KIF1B: variants seen among roughly 807,000 people sequenced by gnomAD.
The protein encoded by KIF1B is kinesin-like protein KIF1B.
A neutral mutation model predicts 241.9 loss-of-function variants in KIF1B; 76 were observed. The observed-to-expected ratio is 0.31, with a 90% CI of 0.26 to 0.38. The LOEUF (loss-of-function observed/expected upper bound fraction) is 0.38. Ranked by LOEUF, KIF1B falls within the 10% of genes least tolerant of loss-of-function variation. The pLI, the probability that KIF1B is intolerant of heterozygous loss-of-function variation, is 1.00. For missense variants in KIF1B, 1,622 were observed against 2,271.4 expected (o/e 0.71, Z 5.81); for synonymous variants, 750 against 796.7 (o/e 0.94, Z 0.99).
intron 2 of KIF1B, among the ~76,000 whole-genome samples, chr1:10,249,070 A>G (rs1647302701): frequency 1.3e-5 from 2 of 152,350 alleles, no homozygotes; most frequent in South Asian, 4.1e-4. Flanking sequence ...TCTTTGCAGG[A>G]AAAGTGGCGA....
intron 22 of KIF1B, chr1:10,305,884 A>G: frequency 1.9e-6 from 2 of 1,052,952 alleles, no homozygotes; most frequent in Non-Finnish European, 2.3e-6. Context: ...GAAGAGCCAG[A>G]GATGTCCGAA....
chr1:10,237,381 T>C (rs1647070457), intron 2 of KIF1B, among the ~76,000 whole-genome samples: 1 of 152,216 alleles, frequency 6.6e-6, no homozygotes, highest in Non-Finnish European at 1.5e-5. Flanking sequence ...ATAAATGCAC[T>C]CAAAAACAGG....
intron 2 of KIF1B, among the ~76,000 whole-genome samples, chr1:10,241,867 C>T (rs747136098): frequency 1.3e-5 from 2 of 151,918 alleles, no homozygotes; most frequent in East Asian, 3.9e-4. Flanking sequence ...TAGTGAAGTG[C>T]GAAGTGGTGT....
At chr1:10,356,325 A>G (rs992342792) in intron 38 of KIF1B, among the ~76,000 whole-genome samples, 10 of 152,120 alleles carry the variant, frequency 6.6e-5, no homozygotes, top group African/African-American at 2.4e-4. Flanking sequence ...AGATCGCGCC[A>G]CTGCATTCCA....
At chr1:10,300,987 A>G (rs1387863592) in intron 22 of KIF1B, among the ~76,000 whole-genome samples, 1 of 152,180 alleles carries the variant, frequency 6.6e-6, no homozygotes, top group Non-Finnish European at 1.5e-5. Context: ...CCAAATTATT[A>G]TTATTATTGT....
chr1:10,327,369 C>T (rs1276653325), intron 27 of KIF1B, among the ~76,000 whole-genome samples: 1 of 151,904 alleles, frequency 6.6e-6, no homozygotes, highest in African/African-American at 2.4e-5. Flanking sequence ...GGCATGGTGG[C>T]GGGTGCCTGT....
At position 10,358,673 on chromosome 1, in the gene KIF1B, G is replaced by C. The variant is rs2102341791; in HGVS notation, c.4056-2256G>C. Among the ~76,000 whole-genome samples the C allele has an allele frequency of 2.3e-5, 3 of 130,114 alleles. No homozygotes were observed. The East Asian group carries it at 6.5e-4, about 28-fold the overall frequency. The allele number at this position is 130,114 out of a possible 152,430, so 85.4% of individuals were successfully genotyped here. On this transcript the variant is annotated intron_variant, in intron 38 of 48. Transcript: ENST00000676179. ...ACTCCAGCCTGGGTGACAAAAGCAA[G>C]ACTCTGTCTCAAAAAAAAAAAAAAA...
chr1:10,340,545 G>A (rs560145709), intron 32 of KIF1B, among the ~76,000 whole-genome samples: 1 of 152,298 alleles, frequency 6.6e-6, no homozygotes, highest in Non-Finnish European at 1.5e-5. Flanking sequence ...GAAGCATAGA[G>A]CAATTAAAGT....
chr1:10,241,130 T>A (rs1028296445), intron 2 of KIF1B, among the ~76,000 whole-genome samples: 9 of 152,114 alleles, frequency 5.9e-5, no homozygotes, highest in Non-Finnish European at 1.2e-4. Flanking sequence ...TGTGTGTGTG[T>A]GAGACGAGGT....
chr1:10,368,694 A>G (rs565912629), intron 44 of KIF1B, among the ~76,000 whole-genome samples, 156 bp downstream of exon 44: 4 of 152,292 alleles, frequency 2.6e-5, no homozygotes, highest in Admixed American at 6.5e-5. Context: ...TCTGGTATTC[A>G]TTCTAATTTT....
At chr1:10,345,104 G>A (rs1294212146) in intron 34 of KIF1B, among the ~76,000 whole-genome samples, 1 of 152,146 alleles carries the variant, frequency 6.6e-6, no homozygotes, top group Non-Finnish European at 1.5e-5. Flanking sequence ...TGAGGTGGGA[G>A]GATGGTTTGA....
chr1:10,215,881 T>C (rs2102087900), intron 1 of KIF1B, among the ~76,000 whole-genome samples: 1 of 152,302 alleles, frequency 6.6e-6, no homozygotes, highest in South Asian at 2.1e-4. Context: ...TATTGTTGGC[T>C]TAGTTCTCTC....
chr1:10,302,018 A>G (rs1282313036), intron 22 of KIF1B, among the ~76,000 whole-genome samples: 1 of 152,226 alleles, frequency 6.6e-6, no homozygotes, highest in African/African-American at 2.4e-5. Flanking sequence ...GATCAATTTT[A>G]TGTAACCAGA....
chr1:10,231,108 G>A (rs12129035), intron 1 of KIF1B: 40,551 of 152,070 alleles, frequency 0.27, 5,611 homozygotes, highest in Admixed American at 0.33. Context: ...GTACTCAGGA[G>A]GCTGAGGCAG....
At chr1:10,213,181 T>C (rs1646720360) in intron 1 of KIF1B, among the ~76,000 whole-genome samples, 1 of 152,060 alleles carries the variant, frequency 6.6e-6, no homozygotes, top group African/African-American at 2.4e-5. Context: ...AGTATAAAGA[T>C]CTGAATATTT....
At chr1:10,373,508 T>A (rs1253661727) in intron 45 of KIF1B, among the ~76,000 whole-genome samples, 1 of 151,676 alleles carries the variant, frequency 6.6e-6, no homozygotes, top group East Asian at 1.9e-4. Flanking sequence ...GTGCTGGGAT[T>A]ACAGGTGTGA....
At chr1:10,360,388 A>T (rs897544966) in intron 38 of KIF1B, among the ~76,000 whole-genome samples, 9 of 151,976 alleles carry the variant, frequency 5.9e-5, no homozygotes, top group Admixed American at 2.0e-4. Context: ...AAACAAAATT[A>T]AAAAAAGCAC....
intron 15 of KIF1B, among the ~76,000 whole-genome samples, chr1:10,286,387 G>A (rs886366009): frequency 1.3e-5 from 2 of 152,180 alleles, no homozygotes; most frequent in African/African-American, 2.4e-5. Flanking sequence ...CACAGCTCTC[G>A]TGTTTATTAG....
chr1:10,348,517 T>C, intron 36 of KIF1B, 132 bp from the exon 37 acceptor site: 2 of 721,290 alleles, frequency 2.8e-6, no homozygotes. Flanking sequence ...ACAATGTGGA[T>C]AGCATTTTCC....
Sources: allele counts gnomAD v4.1 joint callset (sites outside exome capture counted in the v4.1 genomes callset), GRCh38; gene constraint gnomAD v4.1.1; transcripts MANE v1.5; gene names NCBI Gene and HGNC (gene_info 2026-07-23, HGNC 2026-07-21).